BRINP3: variants seen among roughly 807,000 people sequenced by gnomAD.
BRINP3 encodes the protein BMP/retinoic acid inducible neural specific 3.
In BRINP3, 19 loss-of-function variants were observed where a neutral mutation model predicts 71.0. The ratio of observed to expected loss-of-function variants is 0.27; its 90% CI spans 0.19 to 0.39. The LOEUF is 0.39. Among genes scored for constraint, BRINP3 ranks in the 10% least tolerant of loss-of-function variants. The probability of loss-of-function intolerance (pLI) is 1.00; values close to 1 mark genes in which losing one functional copy is unlikely to be tolerated. For missense variants in BRINP3, 959 were observed against 940.8 expected (o/e 1.02, Z -0.25); for synonymous variants, 380 against 337.7 (o/e 1.13, Z -1.37).
rs561557823 is a variant in BRINP3 at position 190,250,871 on chromosome 1, T to G, written c.618+13994A>C. On this transcript the variant is annotated intron_variant, in intron 4 of 7. Transcript: ENST00000367462. ...TAGCCTGTATCTCAGGTTCAGTACATTTTCATAAGTTTTAATACAGGATTC... is the reference window on the plus strand; with the variant it reads ...TAGCCTGTATCTCAGGTTCAGTACAGTTTCATAAGTTTTAATACAGGATTC... Among the ~76,000 whole-genome samples, 5 of 152,030 alleles carry G rather than the reference T, an allele frequency of 3.3e-5. No homozygotes were observed. The East Asian group carries it at 9.7e-4, about 29-fold the overall frequency.
In BRINP3 at chr1:190,457,652, G is replaced by A. The variant is rs191042730; in HGVS notation, c.-50-2712C>T. ...AGTGCCTACCATATGGTAAGGACAT[G>A]TGGTAAAGTTTTAAGTTATATTTTA... On this transcript the variant is annotated intron_variant, in intron 1 of 7. Coordinates refer to ENST00000367462, the MANE Select transcript of BRINP3 (RefSeq NM_199051.3). Among the ~76,000 whole-genome samples, 91 of 152,258 alleles carry A rather than the reference G, an allele frequency of 6.0e-4. 1 individual carries two copies. Among genetic ancestry groups the A allele is most frequent in the Non-Finnish European group, 1.0e-3 (71 of 68,010 alleles).
intron 6 of BRINP3, among the ~76,000 whole-genome samples, chr1:190,184,150 G>T (rs1028938763): frequency 2.0e-5 from 3 of 152,150 alleles, no homozygotes; most frequent in Non-Finnish European, 2.9e-5. Context: ...TCTCCAGAAT[G>T]TGAATGTCTC....
chr1:190,327,352 G>GAAAAAAAAAAAAGA (rs1666671703), intron 2 of BRINP3, among the ~76,000 whole-genome samples: 1 of 77,434 alleles, frequency 1.3e-5, no homozygotes, highest in Non-Finnish European at 2.8e-5. Flanking sequence ...AAAAAAAAAG[G>GAAAAAAAAAAAAGA]AAAAAAAAAA....
chr1:190,385,045 T>G (rs945354942), intron 2 of BRINP3, among the ~76,000 whole-genome samples: 1 of 152,004 alleles, frequency 6.6e-6, no homozygotes, highest in Admixed American at 6.6e-5. Flanking sequence ...GATCCCTTCC[T>G]TACACCTTAT....
intron 2 of BRINP3, among the ~76,000 whole-genome samples, chr1:190,292,872 T>C (rs1663975069): frequency 6.6e-6 from 1 of 152,080 alleles, no homozygotes; most frequent in Non-Finnish European, 1.5e-5. Context: ...ATCTTTTGTA[T>C]TTTTGTGTTA....
intron 6 of BRINP3, among the ~76,000 whole-genome samples, chr1:190,193,953 C>T (rs779064200): frequency 4.6e-5 from 7 of 152,014 alleles, no homozygotes; most frequent in Admixed American, 6.6e-5. Context: ...AATTATCCTC[C>T]GGTATTTTCC....
intron 2 of BRINP3, among the ~76,000 whole-genome samples, chr1:190,415,816 T>A (rs907646769): frequency 2.0e-5 from 3 of 152,150 alleles, no homozygotes; most frequent in African/African-American, 7.2e-5. Flanking sequence ...GGTGGGAGGA[T>A]CACTTGAGCT....
intron 2 of BRINP3, among the ~76,000 whole-genome samples, chr1:190,397,257 G>A (rs1041210905): frequency 3.9e-5 from 6 of 151,922 alleles, no homozygotes; most frequent in African/African-American, 1.2e-4. Context: ...AAAAATACCA[G>A]TTTCATGTTC....
chr1:190,206,186 T>C (rs567821090), intron 6 of BRINP3, among the ~76,000 whole-genome samples: 1 of 152,148 alleles, frequency 6.6e-6, no homozygotes, highest in Admixed American at 6.6e-5. Context: ...ACAGACTTCA[T>C]GGCATATTAG....
intron 1 of BRINP3, among the ~76,000 whole-genome samples, chr1:190,457,543 T>C (rs756964572): frequency 6.6e-6 from 1 of 152,152 alleles, no homozygotes; most frequent in Non-Finnish European, 1.5e-5. Flanking sequence ...CTTTTGTGCG[T>C]CAGATTCCTA....
chr1:190,265,633 G>C (rs2102878018), intron 3 of BRINP3, among the ~76,000 whole-genome samples: 1 of 151,106 alleles, frequency 6.6e-6, no homozygotes, highest in East Asian at 1.9e-4. Context: ...AGAATGGCGT[G>C]AACCCGGGAG....
chr1:190,361,322 C>A (rs1452202541), intron 2 of BRINP3, among the ~76,000 whole-genome samples: 1 of 151,832 alleles, frequency 6.6e-6, no homozygotes, highest in East Asian at 1.9e-4. Context: ...AGCCAGGAAC[C>A]CCATGGTGTA....
At chr1:190,251,071 A>T (rs970528739) in intron 4 of BRINP3, among the ~76,000 whole-genome samples, 1 of 151,524 alleles carries the variant, frequency 6.6e-6, no homozygotes, top group Non-Finnish European at 1.5e-5. Context: ...AATAACAACA[A>T]CAATAATAAT....
chr1:190,338,126 A>G (rs1412451169), intron 2 of BRINP3, among the ~76,000 whole-genome samples: 1 of 152,096 alleles, frequency 6.6e-6, no homozygotes, highest in Non-Finnish European at 1.5e-5. Flanking sequence ...GCAAATCTAA[A>G]CTTGACATTT....
chr1:190,259,604 G>A (rs997201265), intron 4 of BRINP3, among the ~76,000 whole-genome samples: 3 of 141,722 alleles, frequency 2.1e-5, no homozygotes, highest in African/African-American at 7.7e-5. Context: ...ACCACCAGGA[G>A]AATTAGGCAA....
intron 4 of BRINP3, among the ~76,000 whole-genome samples, chr1:190,235,683 G>A (rs558852499): frequency 7.9e-5 from 12 of 152,006 alleles, no homozygotes; most frequent in African/African-American, 2.6e-4. Context: ...TACCTGGAAC[G>A]TTCTTCCTCA....
chr1:190,164,185 G>C (rs576257037), intron 6 of BRINP3, among the ~76,000 whole-genome samples: 1 of 152,060 alleles, frequency 6.6e-6, no homozygotes, highest in African/African-American at 2.4e-5. Flanking sequence ...GCAGTTAATT[G>C]TGTACTTTCA....
At chr1:190,312,073 A>ATATATATATATATG (rs1215673029) in intron 2 of BRINP3, among the ~76,000 whole-genome samples, 20 of 139,620 alleles carry the variant, frequency 1.4e-4, no homozygotes, top group African/African-American at 4.8e-4. Context: ...ATATATATAT[A>ATATATATATATATG]TATGTATTTC....
chr1:190,239,768 T>A (rs947305259), intron 4 of BRINP3, among the ~76,000 whole-genome samples: 4 of 152,066 alleles, frequency 2.6e-5, no homozygotes, highest in Non-Finnish European at 5.9e-5. Flanking sequence ...ACTTACCTGT[T>A]TTTATCAATC....
Sources: gnomAD v4.1 joint callset for allele counts (sites outside exome capture counted in the v4.1 genomes callset) on GRCh38, gnomAD v4.1.1 for gene constraint, MANE v1.5 for transcripts, NCBI Gene and HGNC (gene_info 2026-07-23, HGNC 2026-07-21) for gene names.